Variants in VPS50 observed in about 807,000 individuals in gnomAD.
VPS50 encodes the protein VPS50 subunit of EARP/GARPII complex, also known as syndetin.
VPS50 carries 70 observed loss-of-function variants against 139.7 expected under a neutral mutation model. That is an observed-to-expected ratio of 0.50 (90% CI 0.41 to 0.61). VPS50 has a LOEUF of 0.61. VPS50 is among the 20% of genes least tolerant of loss of function. The pLI, the probability that VPS50 is intolerant of heterozygous loss-of-function variation, is 0.00. For missense variants in VPS50, 921 were observed against 1,133.7 expected, an observed-to-expected ratio of 0.81 and a Z score of 2.69; for synonymous variants, 365 against 376.7, an observed-to-expected ratio of 0.97 and a Z score of 0.36.
intron 2 of VPS50, among the ~76,000 whole-genome samples, chr7:93,242,271 G>A (rs1051490658): frequency 2.6e-5 from 4 of 151,588 alleles, no homozygotes; most frequent in Admixed American, 6.6e-5. Flanking sequence ...GTCAGACAGC[G>A]AGCTTACATT....
chr7:93,296,346 G>C (rs1296430057), intron 14 of VPS50, among the ~76,000 whole-genome samples: 1 of 152,094 alleles, frequency 6.6e-6, no homozygotes, highest in East Asian at 1.9e-4. Flanking sequence ...TGCATAAAAA[G>C]AAAGGAAAAT....
intron 12 of VPS50, among the ~76,000 whole-genome samples, chr7:93,290,417 C>CTTT (rs36096738): frequency 1.7e-4 from 24 of 138,288 alleles, no homozygotes; most frequent in Admixed American, 4.3e-4. Context: ...TAATGGGCAT[C>CTTT]TTTTTTTTTT....
chr7:93,312,401 C>T (rs1219759702), intron 20 of VPS50, among the ~76,000 whole-genome samples: 1 of 152,098 alleles, frequency 6.6e-6, no homozygotes, highest in Non-Finnish European at 1.5e-5. Flanking sequence ...TCTGTAATGT[C>T]TCTCATACAT....
At chr7:93,278,298 C>A (rs977528514) in intron 12 of VPS50, among the ~76,000 whole-genome samples, 3 of 151,954 alleles carry the variant, frequency 2.0e-5, no homozygotes, top group African/African-American at 7.3e-5. Context: ...GAGTTTCTTT[C>A]ACTTTTTAAA....
At chr7:93,263,816 A>T (rs1013656919) in intron 9 of VPS50, among the ~76,000 whole-genome samples, 1 of 152,232 alleles carries the variant, frequency 6.6e-6, no homozygotes, top group Non-Finnish European at 1.5e-5. Context: ...CTCTGGATTC[A>T]ACCAGCTGAA....
chr7:93,273,588 A>G lies in VPS50; in HGVS notation c.801+855A>G, dbSNP rs550655015. The G allele has an allele frequency of 2.0e-5, 3 of 152,242 alleles. No homozygotes were observed. In the South Asian group the frequency reaches 6.2e-4, roughly 31 times the overall value. 9.4% of individuals were successfully genotyped at this position (152,242 alleles called of 1,614,324 possible). A position where few individuals can be genotyped will look rare whatever the true frequency, so the allele number is the denominator to read the frequency against. On this transcript the variant is annotated intron_variant, in intron 11 of 27. Coordinates refer to ENST00000305866, the MANE Select transcript of VPS50 (RefSeq NM_017667.4). Reference sequence around the variant, plus strand: ...AGGGATATGTTTAAACACCTTTGAAAATAGGATTATAACTTCTAATTTCCC... The same window carrying G: ...AGGGATATGTTTAAACACCTTTGAAGATAGGATTATAACTTCTAATTTCCC...
rs1266692047 is a variant in VPS50 at position 93,233,695 on chromosome 7, T to G, written c.33+1195T>G. Among the ~76,000 whole-genome samples, 7 of 152,234 alleles carry G rather than the reference T, an allele frequency of 4.6e-5. No homozygotes were observed. In the South Asian group the frequency reaches 1.0e-3, roughly 22 times the overall value. Reference sequence around the variant, plus strand: ...TCCTCACATGTGTTGAGTACTGGTGTTGTGCGTCCTACTACTTCTTACTTG... The same window carrying G: ...TCCTCACATGTGTTGAGTACTGGTGGTGTGCGTCCTACTACTTCTTACTTG... On this transcript the variant is annotated intron_variant, in intron 1 of 27. Transcript: ENST00000305866.
intron 27 of VPS50, among the ~76,000 whole-genome samples, chr7:93,357,970 T>G (rs774576607): frequency 4.6e-5 from 7 of 152,112 alleles, no homozygotes; most frequent in Non-Finnish European, 1.0e-4. Context: ...ATTTGAAATG[T>G]CAGTGTATTT....
chr7:93,308,087 C>A (rs61596917), intron 18 of VPS50, among the ~76,000 whole-genome samples: 21,909 of 151,402 alleles, frequency 0.14, 2,553 homozygotes, highest in East Asian at 0.39. Flanking sequence ...TTAATGTTAG[C>A]CATTTAATCG....
At chr7:93,289,305 T>G (rs1346999626) in intron 12 of VPS50, among the ~76,000 whole-genome samples, 3 of 152,134 alleles carry the variant, frequency 2.0e-5, no homozygotes, top group African/African-American at 7.2e-5. Context: ...AAGGGCCATT[T>G]TTGTATCTCT....
chr7:93,325,321 A>C (rs1441096244), intron 21 of VPS50, among the ~76,000 whole-genome samples: 8 of 152,204 alleles, frequency 5.3e-5, no homozygotes, highest in Non-Finnish European at 1.0e-4. Flanking sequence ...AAAGACTTAA[A>C]TGTTAGACCT....
chr7:93,269,388 C>T (rs1389974162), intron 9 of VPS50, among the ~76,000 whole-genome samples: 2 of 152,040 alleles, frequency 1.3e-5, no homozygotes, highest in African/African-American at 4.8e-5. Flanking sequence ...AATAAGGTAT[C>T]AGTCCTACAC....
intron 21 of VPS50, among the ~76,000 whole-genome samples, chr7:93,326,176 T>G (rs1449665441): frequency 6.6e-6 from 1 of 151,176 alleles, no homozygotes; most frequent in African/African-American, 2.4e-5. Flanking sequence ...AAATCATCAT[T>G]CTCAGTAAAC....
intron 9 of VPS50, among the ~76,000 whole-genome samples, chr7:93,262,764 C>G (rs1264191724): frequency 6.6e-6 from 1 of 152,224 alleles, no homozygotes. Context: ...GCTAGCATTT[C>G]TTCTCCACCC....
intron 21 of VPS50, among the ~76,000 whole-genome samples, chr7:93,328,538 T>G (rs1200501768): frequency 1.3e-5 from 2 of 152,146 alleles, no homozygotes; most frequent in Non-Finnish European, 2.9e-5. Context: ...ATCTGAATAC[T>G]ATAGAAAAGG....
At chr7:93,237,165 C>T (rs948143735) in intron 1 of VPS50, among the ~76,000 whole-genome samples, 2 of 150,184 alleles carry the variant, frequency 1.3e-5, no homozygotes, top group Admixed American at 1.3e-4. Flanking sequence ...ACTGTGTTAG[C>T]CAGGATAGTC....
At chr7:93,285,746 A>G (rs1190479601) in intron 12 of VPS50, among the ~76,000 whole-genome samples, 1 of 152,314 alleles carries the variant, frequency 6.6e-6, no homozygotes, top group Non-Finnish European at 1.5e-5. Context: ...GACAGTGATA[A>G]GAGATGGGAA....
chr7:93,306,041 T>A (rs759104879), intron 18 of VPS50, 37 bp downstream of exon 18: 50 of 1,472,476 alleles, frequency 3.4e-5, no homozygotes, highest in Middle Eastern at 3.5e-4. Flanking sequence ...GAGTTTTTTT[T>A]ATTTAAAACT....
intron 26 of VPS50, among the ~76,000 whole-genome samples, chr7:93,355,394 ATATACTTTC>A (rs1012506169): frequency 2.0e-5 from 3 of 152,162 alleles, no homozygotes; most frequent in African/African-American, 7.2e-5. Flanking sequence ...AAAAATATAT[ATATACTTTC>A]TATGCTTACA....
Sources: allele counts gnomAD v4.1 joint callset (sites outside exome capture counted in the v4.1 genomes callset), GRCh38; gene constraint gnomAD v4.1.1; transcripts MANE v1.5; gene names NCBI Gene and HGNC (gene_info 2026-07-23, HGNC 2026-07-21).